CNGA1: variants seen among roughly 807,000 people sequenced by gnomAD.
The protein encoded by CNGA1 is cyclic nucleotide gated channel subunit alpha 1.
Under a neutral mutation model 69.7 loss-of-function variants are expected in CNGA1, and 53 were observed. That is an observed-to-expected ratio of 0.76 (90% CI 0.61 to 0.96). The LOEUF is 0.96. Among genes scored for constraint, CNGA1 ranks in the 40% least tolerant of loss-of-function variants. The pLI is 0.00. For synonymous variants in CNGA1, 249 were observed against 283.5 expected (o/e 0.88, Z 1.22); for missense variants, 739 against 811.2 (o/e 0.91, Z 1.08).
At chr4:47,966,082 G>A (rs190650724) in intron 3 of CNGA1, among the ~76,000 whole-genome samples, 265 of 152,252 alleles carry the variant, frequency 1.7e-3, no homozygotes, top group Admixed American at 6.0e-3. Context: ...ACTTAAGCGA[G>A]GATATAACAA....
At chr4:47,983,569 G>A (rs766438848) in intron 2 of CNGA1, among the ~76,000 whole-genome samples, 11 of 151,946 alleles carry the variant, frequency 7.2e-5, no homozygotes, top group Admixed American at 5.9e-4. Flanking sequence ...CAGCCTGGGC[G>A]ACAGAGCGAG....
At chr4:47,939,152 G>A (rs1323025336) in intron 10 of CNGA1, among the ~76,000 whole-genome samples, 6 of 152,190 alleles carry the variant, frequency 3.9e-5, no homozygotes, top group Admixed American at 6.5e-5. Context: ...GAAAGACTAA[G>A]TTATGTTTAG....
rs765136329 is a variant in CNGA1 at position 47,937,062 on chromosome 4, G to A, written c.1420C>T (p.Arg474Cys). 29 of 1,614,012 alleles carry A rather than the reference G, an allele frequency of 1.8e-5. No homozygotes were observed. The highest frequency in any genetic ancestry group is 1.6e-4 in the East Asian group (7 of 44,900). ...CCAGCTTCACAATCAGCAAAAATGC[G>A]TACCTTTTTTAATGTGTCTAAGTGA... The part of the protein sequence containing the change: ...NVHLDTLKKV[R>C]IFADCEAGLL... Residue 474 changes from arginine (R) to cysteine (C), a missense_variant, in exon 11 of 11, where the codon CGC (arginine) becomes TGC (cysteine). Physicochemically the swap from Arg to Cys is radical, Grantham distance 180. Transcript: ENST00000514170.
chr4:47,976,258 T>C (rs1400783533), intron 3 of CNGA1, among the ~76,000 whole-genome samples: 6 of 35,470 alleles, frequency 1.7e-4, no homozygotes, highest in African/African-American at 1.4e-3. Context: ...TATATACACA[T>C]ACATATATAT....
intron 3 of CNGA1, among the ~76,000 whole-genome samples, chr4:47,967,577 G>T (rs1740791057): frequency 6.6e-6 from 1 of 152,192 alleles, no homozygotes; most frequent in Non-Finnish European, 1.5e-5. Flanking sequence ...AGAAAAAAAT[G>T]ATTAGAACAA....
chr4:47,952,799 C>T (rs1484951798), intron 3 of CNGA1, 96 bp from the exon 4 acceptor site: 1 of 851,198 alleles, frequency 1.2e-6, no homozygotes. Flanking sequence ...TGTCCTCATG[C>T]TGCTAATAAA....
At chr4:47,997,355 T>C (rs1479504844) in intron 2 of CNGA1, among the ~76,000 whole-genome samples, 1 of 152,168 alleles carries the variant, frequency 6.6e-6, no homozygotes, top group Admixed American at 6.5e-5. Flanking sequence ...ATATTTAAAA[T>C]CAAACTAATG....
At chr4:47,963,239 T>C (rs988405359) in intron 3 of CNGA1, among the ~76,000 whole-genome samples, 1 of 152,260 alleles carries the variant, frequency 6.6e-6, no homozygotes, top group Non-Finnish European at 1.5e-5. Context: ...GCGTGGGCCA[T>C]CACGCCAAGC....
In CNGA1 at chr4:47,976,342, T is replaced by C. The variant is rs1261825368; in HGVS notation, c.-15+5051A>G. 1.5e-3 allele frequency among the ~76,000 whole-genome samples: 29 copies of C among 19,340 alleles called. 4 individuals carry two copies. Among genetic ancestry groups the C allele is most frequent in the Non-Finnish European group, 2.6e-3 (18 of 6,994 alleles). 12.7% of individuals were successfully genotyped at this position (19,340 alleles called of 152,430 possible). ...ATATATGTATATATATATATACACA[T>C]ATATATATATATGTATATGTGTTTA... On this transcript the variant is annotated intron_variant, in intron 3 of 10. Coordinates refer to ENST00000514170, the MANE Select transcript of CNGA1 (RefSeq NM_001379270.1).
intron 3 of CNGA1, among the ~76,000 whole-genome samples, chr4:47,972,563 C>T (rs1174391713): frequency 1.3e-5 from 2 of 152,164 alleles, no homozygotes; most frequent in Non-Finnish European, 2.9e-5. Context: ...TTCCTCAATC[C>T]GATGGGTGAG....
At chr4:47,972,324 A>G (rs558156069) in intron 3 of CNGA1, among the ~76,000 whole-genome samples, 4 of 152,200 alleles carry the variant, frequency 2.6e-5, no homozygotes, top group Non-Finnish European at 5.9e-5. Flanking sequence ...ACAATGCTGC[A>G]ATAAAAGTCC....
intron 1 of CNGA1, among the ~76,000 whole-genome samples, chr4:48,012,297 TGCTATTTCAGAAGTACCAA>T (rs1312950929): frequency 1.3e-5 from 2 of 152,166 alleles, no homozygotes; most frequent in Non-Finnish European, 2.9e-5. Context: ...GACAAATTGC[TGCTATTTCAGAAGTACCAA>T]GTATCAAACC....
chr4:48,005,974 T>C (rs1464182924), intron 2 of CNGA1, among the ~76,000 whole-genome samples: 6 of 152,250 alleles, frequency 3.9e-5, no homozygotes, highest in African/African-American at 1.4e-4. Context: ...ATTTTATTCA[T>C]AGGAGTATAC....
rs752033814 is a variant in CNGA1 at position 47,937,549 on chromosome 4, T to A, written c.933A>T (p.Ala311=). ...CTTTAGAAATAGAGTAGAACACACA[T>A]GCATTCCAGTGGATAATGATGACGA... is the stretch of plus-strand genomic sequence containing the variant. ...MYIVIIIHWN[A]CVFYSISKAI... The change falls in exon 11 of 11, where the codon GCA becomes GCT. Residue 311 remains alanine, a synonymous_variant. Coordinates refer to ENST00000514170, the MANE Select transcript of CNGA1 (RefSeq NM_001379270.1). 1 of 1,614,144 alleles carries A rather than the reference T, an allele frequency of 6.2e-7. No homozygotes were observed. The highest frequency in any genetic ancestry group is 8.5e-7 in the Non-Finnish European group (1 of 1,180,018).
intron 2 of CNGA1, among the ~76,000 whole-genome samples, chr4:47,984,783 G>C (rs1258279398): frequency 6.6e-6 from 1 of 151,502 alleles, no homozygotes; most frequent in Non-Finnish European, 1.5e-5. Context: ...AAAGTACTCA[G>C]ACCAGACCTC....
intron 3 of CNGA1, among the ~76,000 whole-genome samples, chr4:47,968,833 T>C (rs755942298): frequency 1.8e-4 from 28 of 152,122 alleles, no homozygotes; most frequent in Non-Finnish European, 1.5e-5. Flanking sequence ...TGGAAATTCA[T>C]GAGTAAAGAT....
chr4:47,951,426 A>G lies in CNGA1; in HGVS notation c.151T>C (p.Ser51Pro), dbSNP rs906420383. The change falls in exon 5 of 11, where the codon TCA (serine) becomes CCA (proline). Residue 51 changes from serine to proline, a missense_variant. Coordinates refer to ENST00000514170, the MANE Select transcript of CNGA1 (RefSeq NM_001379270.1). Reference sequence around the variant, plus strand: ...CTTGCATGAGGGTTTTCATTCTCTGATTCTTCAGATGTAGAGGCACTGTCA... The same window carrying G: ...CTTGCATGAGGGTTTTCATTCTCTGGTTCTTCAGATGTAGAGGCACTGTCA... ...DDDSASTSEE[S>P]ENENPHARGS... is the part of the protein sequence containing the mutation. 4.3e-6 allele frequency: 7 copies of G among 1,613,850 alleles called. No individual in the cohort carries two copies. The highest frequency in any genetic ancestry group is 5.9e-6 in the Non-Finnish European group (7 of 1,179,786).
At chr4:47,985,686 T>G (rs541238362) in intron 2 of CNGA1, among the ~76,000 whole-genome samples, 1 of 152,272 alleles carries the variant, frequency 6.6e-6, no homozygotes, top group South Asian at 2.1e-4. Flanking sequence ...ATAACTGATT[T>G]GATTTATCTC....
At chr4:47,968,829 T>A (rs1369975442) in intron 3 of CNGA1, among the ~76,000 whole-genome samples, 1 of 152,064 alleles carries the variant, frequency 6.6e-6, no homozygotes, top group Admixed American at 6.6e-5. Context: ...CAAATGGAAA[T>A]TCATGAGTAA....
Sources: gnomAD v4.1 joint callset for allele counts (sites outside exome capture counted in the v4.1 genomes callset) on GRCh38, gnomAD v4.1.1 for gene constraint, MANE v1.5 for transcripts, NCBI Gene and HGNC (gene_info 2026-07-23, HGNC 2026-07-21) for gene names.